HOXB3: variants seen among roughly 807,000 people sequenced by gnomAD.
HOXB3 encodes the protein homeobox protein Hox-B3.
A neutral mutation model predicts 29.2 loss-of-function variants in HOXB3; 17 were observed. The observed-to-expected ratio is 0.58, with a 90% CI of 0.40 to 0.87. HOXB3 has a LOEUF of 0.87. Among genes scored for constraint, HOXB3 ranks in the 40% least tolerant of loss-of-function variants. The pLI is 0.00. For missense variants in HOXB3, 637 were observed against 616.3 expected, an observed-to-expected ratio of 1.03 and a Z score of -0.35; for synonymous variants, 317 against 285.9, an observed-to-expected ratio of 1.11 and a Z score of -1.10.
chr17:48,558,993 T>C (rs896342844), intron 2 of HOXB3, among the ~76,000 whole-genome samples: 2 of 149,962 alleles, frequency 1.3e-5, no homozygotes, highest in African/African-American at 2.5e-5. Context: ...AAGAGGAAAA[T>C]TGAGTAAGAG....
intron 1 of HOXB3, among the ~76,000 whole-genome samples, chr17:48,589,020 G>GC (rs1265466480): frequency 6.6e-6 from 1 of 151,298 alleles, no homozygotes; most frequent in African/African-American, 2.4e-5. Context: ...AGGGTAGTTA[G>GC]CCCCACGGGT....
In HOXB3 at chr17:48,550,829, C is replaced by A; in HGVS notation, c.801G>T (p.Gln267His). The A allele has an allele frequency of 6.2e-7, 1 of 1,613,728 alleles. No homozygotes were observed. The highest frequency in any genetic ancestry group is 8.5e-7 in the Non-Finnish European group (1 of 1,179,856). The stretch of plus-strand genomic sequence containing the variant: ...TGAAGCCGGCCGTGGACTGCATGGG[C>A]TGCGGGGGGCTGCCGGCTGGAGATG... ...GGPSPAGSPP[Q>H]PMQSTAGFMN... Residue 267 changes from glutamine to histidine, a missense_variant, in exon 5 of 5, where the codon CAG becomes CAT. Gln to His is a conservative substitution (Grantham distance 24). Coordinates refer to ENST00000498678, the MANE Select transcript of HOXB3 (RefSeq NM_001384749.1).
chr17:48,558,791 C>G (rs2069091460), intron 2 of HOXB3, among the ~76,000 whole-genome samples: 1 of 152,038 alleles, frequency 6.6e-6, no homozygotes, highest in South Asian at 2.1e-4. Context: ...AAAAGAGAAG[C>G]AGGAGAAGGG....
In HOXB3 at chr17:48,590,237, G is replaced by C. The variant is rs570950945; in HGVS notation, c.-537C>G. 6.6e-6 allele frequency: 1 copy of C among 152,304 alleles called. No individual in the cohort carries two copies. Among genetic ancestry groups the C allele is most frequent in the South Asian group, 2.1e-4 (1 of 4,828 alleles). The allele number at this position is 152,304 out of a possible 1,614,324, so 9.4% of individuals were successfully genotyped here. ...TTCCCCACCACAGCGAGCAGTTAAA[G>C]TGTCACTTAACATTCTGGAGAATGT... On this transcript the variant is annotated 5_prime_UTR_variant, in exon 1 of 5. Coordinates refer to ENST00000498678, the MANE Select transcript of HOXB3 (RefSeq NM_001384749.1).
At chr17:48,563,498 T>C (rs115490912) in intron 2 of HOXB3, among the ~76,000 whole-genome samples, 1 of 152,308 alleles carries the variant, frequency 6.6e-6, no homozygotes, top group African/African-American at 2.4e-5. Flanking sequence ...TGTGCCTGCT[T>C]ACATGCTCCC....
At position 48,549,786 on chromosome 17, in the gene HOXB3, T is replaced by G. The variant is rs1487362158; in HGVS notation, c.*548A>C. ...AAAAACCGGGGGCTAGAAGTGTACC[T>G]CAATAAACCTCAAATGGGAACAAAT... On this transcript the variant is annotated 3_prime_UTR_variant, in exon 5 of 5. Coordinates refer to ENST00000498678, the MANE Select transcript of HOXB3 (RefSeq NM_001384749.1). The G allele has an allele frequency of 6.2e-6, 1 of 160,090 alleles. No homozygotes were observed. The highest frequency in any genetic ancestry group is 1.4e-5 in the Non-Finnish European group (1 of 72,088). 9.9% of individuals were successfully genotyped at this position (160,090 alleles called of 1,614,324 possible). A position where few individuals can be genotyped will look rare whatever the true frequency, so the allele number is the denominator to read the frequency against.
In HOXB3 at chr17:48,554,628, C is replaced by T. The variant is rs746080775; in HGVS notation, c.-159+903G>A. 1.4e-6 allele frequency: 1 copy of T among 702,058 alleles called. No homozygotes were observed. Among genetic ancestry groups the T allele is most frequent in the Non-Finnish European group, 2.6e-6 (1 of 384,754 alleles). The allele number at this position is 702,058 out of a possible 1,614,324, so 43.5% of individuals were successfully genotyped here. A position where few individuals can be genotyped will look rare whatever the true frequency, so the allele number is the denominator to read the frequency against. ...GCGACTGGCGACAAGCTACCAGCCA[C>T]CTACGATGGCCCAAGGAGGCGAAGA... On this transcript the variant is annotated intron_variant, in intron 3 of 4. Coordinates refer to ENST00000498678, the MANE Select transcript of HOXB3 (RefSeq NM_001384749.1). The surrounding 1 kb of genome is among the most constrained non-coding windows in gnomAD (Gnocchi z 4.1).
At chr17:48,562,101 C>CTT (rs1442548131) in intron 2 of HOXB3, among the ~76,000 whole-genome samples, 2 of 152,174 alleles carry the variant, frequency 1.3e-5, no homozygotes, top group Non-Finnish European at 1.5e-5. Flanking sequence ...TTTTACTGCT[C>CTT]TTCTGTGTGT....
At position 48,554,904 on chromosome 17, in the gene HOXB3, A is replaced by G; in HGVS notation, c.-159+627T>C. 1 of 690,254 alleles carries G rather than the reference A, an allele frequency of 1.4e-6. No individual in the cohort carries two copies. Among genetic ancestry groups the G allele is most frequent in the Non-Finnish European group, 2.6e-6 (1 of 377,428 alleles). The allele number at this position is 690,254 out of a possible 1,614,324, so 42.8% of individuals were successfully genotyped here. A position where few individuals can be genotyped will look rare whatever the true frequency, so the allele number is the denominator to read the frequency against. Reference sequence around the variant, plus strand: ...GGGGACCCAAGATCTGGGATCCAGAACAAGAGGGGGTGGGGAACAACTCTA... The same window carrying G: ...GGGGACCCAAGATCTGGGATCCAGAGCAAGAGGGGGTGGGGAACAACTCTA... On this transcript the variant is annotated intron_variant, in intron 3 of 4. Coordinates refer to ENST00000498678, the MANE Select transcript of HOXB3 (RefSeq NM_001384749.1). The surrounding 1 kb of genome is among the most constrained non-coding windows in gnomAD (Gnocchi z 4.1).
chr17:48,564,572 G>T (rs890498239), intron 2 of HOXB3, among the ~76,000 whole-genome samples: 2 of 152,252 alleles, frequency 1.3e-5, no homozygotes, highest in Admixed American at 6.5e-5. Flanking sequence ...CCCCGGGCTC[G>T]TCTGGCACCG....
Position 48,551,099 on chromosome 17 carries a change from TCCCCCGCCGCCGCCGCCACCG to T in HOXB3, c.510_530del (p.Gly172_Gly178del). 1 of 1,392,346 alleles carries T rather than the reference TCCCCCGCCGCCGCCGCCACCG, an allele frequency of 7.2e-7. No individual in the cohort carries two copies. Among genetic ancestry groups the T allele is most frequent in the South Asian group, 1.8e-5 (1 of 55,104 alleles). The allele number at this position is 1,392,346 out of a possible 1,614,324, so 86.2% of individuals were successfully genotyped here. A position where few individuals can be genotyped will look rare whatever the true frequency, so the allele number is the denominator to read the frequency against. On this transcript the variant is annotated inframe_deletion, in exon 5 of 5. Transcript: ENST00000498678. Reference sequence around the variant, plus strand: ...CCGACCCCGGGGGGCTCTTGTCCCCTCCCCCGCCGCCGCCGCCACCGCCCCCGCTGCCACCACTGCCTCCGC... The same window carrying T: ...CCGACCCCGGGGGGCTCTTGTCCCCTCCCCCGCTGCCACCACTGCCTCCGC...
At chr17:48,574,524 T>C (rs892743013) in intron 1 of HOXB3, 1 of 152,188 alleles carries the variant, frequency 6.6e-6, no homozygotes, top group African/African-American at 2.4e-5. Flanking sequence ...GATTGGTTCT[T>C]TTTATTTTCT....
chr17:48,569,605 C>G (rs2069516429), intron 2 of HOXB3, among the ~76,000 whole-genome samples: 1 of 152,176 alleles, frequency 6.6e-6, no homozygotes, highest in African/African-American at 2.4e-5. Context: ...CTCCCCAACT[C>G]CATTTTTTCC....
intron 1 of HOXB3, chr17:48,577,719 G>A (rs114727888): frequency 0.034 from 23,488 of 700,936 alleles, 1,131 homozygotes; most frequent in East Asian, 0.23. Context: ...CTGAAAACAG[G>A]CGACCGTAAA....
intron 2 of HOXB3, among the ~76,000 whole-genome samples, chr17:48,556,238 G>A (rs1043894911): frequency 4.6e-5 from 7 of 151,866 alleles, no homozygotes; most frequent in African/African-American, 1.7e-4. Flanking sequence ...GGGCGGTGAA[G>A]TTCACAGCTC....
intron 1 of HOXB3, chr17:48,574,320 C>G (rs978974882): frequency 6.2e-6 from 1 of 161,104 alleles, no homozygotes; most frequent in Non-Finnish European, 1.4e-5. Flanking sequence ...CGAAATAAAG[C>G]TCGCCCCTCT....
At chr17:48,583,014 T>C (rs1398485812) in intron 1 of HOXB3, among the ~76,000 whole-genome samples, 1 of 152,232 alleles carries the variant, frequency 6.6e-6, no homozygotes, top group African/African-American at 2.4e-5. Flanking sequence ...AATGCCTGTA[T>C]GGCCAGGGCC....
intron 2 of HOXB3, among the ~76,000 whole-genome samples, chr17:48,572,568 G>C (rs1460987713): frequency 2.0e-5 from 3 of 152,296 alleles, no homozygotes; most frequent in Non-Finnish European, 4.4e-5. Context: ...ATAGTAAAGA[G>C]ATGAACTGGA....
In HOXB3 at chr17:48,588,922, G is replaced by A. The variant is rs561073715; in HGVS notation, c.-425+1203C>T. On this transcript the variant is annotated intron_variant, in intron 1 of 4. Transcript: ENST00000498678. ...TTGTCCCAAAGATCAGAAGCCCCTC[G>A]AGGTGCCACATATCCAATCCCAGAA... is the stretch of plus-strand genomic sequence containing the variant. Among the ~76,000 whole-genome samples, 9 of 152,296 alleles carry A rather than the reference G, an allele frequency of 5.9e-5. No homozygotes were observed. In the South Asian group the frequency reaches 1.7e-3, roughly 28 times the overall value.
Sources: allele counts gnomAD v4.1 joint callset (sites outside exome capture counted in the v4.1 genomes callset), GRCh38; gene constraint gnomAD v4.1.1; non-coding constraint Gnocchi (gnomAD v3.1); transcripts MANE v1.5; gene names NCBI Gene and HGNC (gene_info 2026-07-23, HGNC 2026-07-21).